Variants in CAMK4 observed in about 807,000 individuals in gnomAD.
CAMK4 encodes the protein calcium/calmodulin-dependent protein kinase type IV.
CAMK4 carries 22 observed loss-of-function variants against 44.9 expected under a neutral mutation model. That is an observed-to-expected ratio of 0.49 (90% CI 0.35 to 0.70). The LOEUF is 0.70. Among genes scored for constraint, CAMK4 ranks in the 30% least tolerant of loss-of-function variants. The pLI, the probability that CAMK4 is intolerant of heterozygous loss-of-function variation, is 0.01. For synonymous variants in CAMK4, 218 were observed against 215.4 expected (o/e 1.01, Z -0.11); for missense variants, 498 against 586.8 (o/e 0.85, Z 1.56).
At chr5:111,282,572 G>GTGTGTTT (rs572041121) in intron 1 of CAMK4, among the ~76,000 whole-genome samples, 61 of 152,184 alleles carry the variant, frequency 4.0e-4, no homozygotes, top group African/African-American at 1.4e-3. Flanking sequence ...AATTAGCTTT[G>GTGTGTTT]TGTGTTTTCT....
rs754203005 is a variant in CAMK4 at position 111,224,662 on chromosome 5, G to T, written c.161+18G>T. On this transcript the variant is annotated intron_variant, in intron 1 of 10. Coordinates refer to ENST00000282356, the MANE Select transcript of CAMK4 (RefSeq NM_001744.6). This position sits in a 1 kb window ranked among gnomAD's most constrained non-coding sequence, Gnocchi z 5.7. ...CTGGGACGGTAAGGCGCGGGCTCCG[G>T]CTGGGGAAGCCCGCGGCGTGCACTG... 1.3e-6 allele frequency: 2 copies of T among 1,594,286 alleles called. No homozygotes were observed. Among genetic ancestry groups the T allele is most frequent in the Non-Finnish European group, 1.7e-6 (2 of 1,171,044 alleles).
chr5:111,296,278 A>G (rs1747482595), intron 1 of CAMK4, among the ~76,000 whole-genome samples: 1 of 152,238 alleles, frequency 6.6e-6, no homozygotes, highest in Non-Finnish European at 1.5e-5. Flanking sequence ...ATATGGAAAT[A>G]TTTAAGCCTA....
At position 111,389,403 on chromosome 5, in the gene CAMK4, T is replaced by C. The variant is rs1751721074; in HGVS notation, c.387-5307T>C. Among the ~76,000 whole-genome samples the C allele has an allele frequency of 2.6e-5, 4 of 152,196 alleles. No individual in the cohort carries two copies. The South Asian group carries it at 8.3e-4, about 32-fold the overall frequency. On this transcript the variant is annotated intron_variant, in intron 4 of 10. Coordinates refer to ENST00000282356, the MANE Select transcript of CAMK4 (RefSeq NM_001744.6). ...ACCCTAACTTAGAGCCAAATGAAAA[T>C]ACAGAAGATATTTAGGCTGAAGCTT...
chr5:111,394,777 G>A lies in CAMK4; in HGVS notation c.454G>A (p.Val152Ile). 6.2e-7 allele frequency: 1 copy of A among 1,604,230 alleles called. No individual in the cohort carries two copies. The change falls in exon 5 of 11, where the codon GTT (valine) becomes ATT (isoleucine). Residue 152 changes from valine to isoleucine, a missense_variant. Around this residue, in one of 3 missense-constraint regions of CAMK4, gnomAD observed 203 missense variants for 298.2 expected, o/e 0.68. Transcript: ENST00000282356. ...TGCCGTTAAACAAATCCTGGAGGCA[G>A]TTGCTGTAAGTATGAAGTAACAGCA... ...ADAVKQILEAVAYLHENGIVH... is the reference protein window; with the variant it reads ...ADAVKQILEAIAYLHENGIVH...
chr5:111,489,526 C>T lies in CAMK4; in HGVS notation c.*5060C>T, dbSNP rs757952894. On this transcript the variant is annotated 3_prime_UTR_variant, in exon 11 of 11. Coordinates refer to ENST00000282356, the MANE Select transcript of CAMK4 (RefSeq NM_001744.6). ...TAAATGCTCTGTGATGTACTCAAGA[C>T]GATTGGGTTGTGTGATACTAACTTC... 6.6e-6 allele frequency: 1 copy of T among 152,122 alleles called. No individual in the cohort carries two copies. The highest frequency in any genetic ancestry group is 6.5e-5 in the Admixed American group (1 of 15,268). The allele number at this position is 152,122 out of a possible 1,614,324, so 9.4% of individuals were successfully genotyped here. A position where few individuals can be genotyped will look rare whatever the true frequency, so the allele number is the denominator to read the frequency against.
At chr5:111,356,819 T>C (rs1475468538) in intron 2 of CAMK4, among the ~76,000 whole-genome samples, 1 of 152,172 alleles carries the variant, frequency 6.6e-6, no homozygotes, top group African/African-American at 2.4e-5. Context: ...GTTGTAGATA[T>C]GCGGCGTTAT....
intron 1 of CAMK4, chr5:111,265,738 C>T (rs1374097328): frequency 6.6e-6 from 1 of 152,058 alleles, no homozygotes; most frequent in African/African-American, 2.4e-5. Context: ...ATAAAAGAGG[C>T]AGAATGAGTA....
chr5:111,478,559 CTAAT>C, intron 9 of CAMK4, 52 bp downstream of exon 9: 1 of 1,012,862 alleles, frequency 9.9e-7, no homozygotes, highest in Non-Finnish European at 1.4e-6. Context: ...TTATTTTTAA[CTAAT>C]TAATGGGAAG....
intron 1 of CAMK4, among the ~76,000 whole-genome samples, chr5:111,256,923 C>T (rs935525448): frequency 2.6e-5 from 4 of 151,910 alleles, no homozygotes; most frequent in African/African-American, 9.7e-5. Flanking sequence ...CAGACAAATC[C>T]GTTAAAAAAA....
At chr5:111,345,812 C>G (rs1324538698) in intron 2 of CAMK4, among the ~76,000 whole-genome samples, 2 of 151,954 alleles carry the variant, frequency 1.3e-5, no homozygotes, top group African/African-American at 4.8e-5. Context: ...AAGTGCCGCT[C>G]TGGTTCGTCC....
chr5:111,422,676 A>T (rs1296568027), intron 5 of CAMK4, among the ~76,000 whole-genome samples: 1 of 152,184 alleles, frequency 6.6e-6, no homozygotes, highest in Non-Finnish European at 1.5e-5. Context: ...TAATGTCTGA[A>T]AGCAGCTATC....
intron 5 of CAMK4, among the ~76,000 whole-genome samples, chr5:111,396,631 C>CTTTTTTTTT (rs540495109): frequency 0.046 from 2,184 of 47,034 alleles, 631 homozygotes; most frequent in Admixed American, 0.057. Context: ...AACTCATATT[C>CTTTTTTTTT]TTTTTTTTTT....
chr5:111,438,336 C>T (rs182444375), intron 5 of CAMK4, among the ~76,000 whole-genome samples: 3 of 152,190 alleles, frequency 2.0e-5, no homozygotes, highest in Admixed American at 6.5e-5. Flanking sequence ...ATTCTCAAAC[C>T]GCTAGCAATG....
At chr5:111,413,982 G>T (rs1469724387) in intron 5 of CAMK4, among the ~76,000 whole-genome samples, 1 of 151,962 alleles carries the variant, frequency 6.6e-6, no homozygotes, top group Admixed American at 6.5e-5. Context: ...TATTATAATG[G>T]TCAACTAAAA....
Position 111,488,848 on chromosome 5 carries a change from T to C in CAMK4, c.*4382T>C, listed in dbSNP as rs1755720265. 1 of 152,252 alleles carries C rather than the reference T, an allele frequency of 6.6e-6. No individual in the cohort carries two copies. Among genetic ancestry groups the C allele is most frequent in the Non-Finnish European group, 1.5e-5 (1 of 68,042 alleles). 9.4% of individuals were successfully genotyped at this position (152,252 alleles called of 1,614,324 possible). ...GAGTCAATTAATCATAGTGCCATTA[T>C]GTCACTTATTTGTCATTGCAAAGTA... is the stretch of plus-strand genomic sequence containing the variant. On this transcript the variant is annotated 3_prime_UTR_variant, in exon 11 of 11. Transcript: ENST00000282356.
chr5:111,444,531 C>T (rs1753960222), intron 5 of CAMK4, among the ~76,000 whole-genome samples: 1 of 152,028 alleles, frequency 6.6e-6, no homozygotes, highest in Non-Finnish European at 1.5e-5. Flanking sequence ...ACACTGGGCC[C>T]ATGAGAAATG....
intron 7 of CAMK4, among the ~76,000 whole-genome samples, chr5:111,462,255 G>T (rs547151806): frequency 6.6e-6 from 1 of 151,962 alleles, no homozygotes; most frequent in Non-Finnish European, 1.5e-5. Context: ...AGTCACATTC[G>T]CTGACCTCTG....
Position 111,396,631 on chromosome 5 carries a change from C to CTTTTTTTTTTTTTTTTTTTTTTTT in CAMK4, c.459+1853_459+1876dup, listed in dbSNP as rs540495109. On this transcript the variant is annotated intron_variant, in intron 5 of 10. Transcript: ENST00000282356. ...ACTTTAATTGCCATTAACTCATATT[C>CTTTTTTTTTTTTTTTTTTTTTTTT]TTTTTTTTTTTTTTTTTTTTTTTTT... Among the ~76,000 whole-genome samples the CTTTTTTTTTTTTTTTTTTTTTTTT allele has an allele frequency of 2.3e-4, 11 of 47,014 alleles. 3 individuals carry two copies. Among genetic ancestry groups the CTTTTTTTTTTTTTTTTTTTTTTTT allele is most frequent in the Non-Finnish European group, 2.5e-4 (7 of 27,862 alleles). The allele number at this position is 47,014 out of a possible 152,430, so 30.8% of individuals were successfully genotyped here. A position where few individuals can be genotyped will look rare whatever the true frequency, so the allele number is the denominator to read the frequency against.
chr5:111,438,415 T>C (rs191861482), intron 5 of CAMK4, among the ~76,000 whole-genome samples: 403 of 152,332 alleles, frequency 2.6e-3, no homozygotes, highest in Non-Finnish European at 4.4e-3. Flanking sequence ...CCTGTATCTG[T>C]CATATTCAAA....
Sources: allele counts gnomAD v4.1 joint callset (sites outside exome capture counted in the v4.1 genomes callset), GRCh38; gene constraint gnomAD v4.1.1; regional missense constraint gnomAD v4.1.1; non-coding constraint Gnocchi (gnomAD v3.1); transcripts MANE v1.5; gene names NCBI Gene and HGNC (gene_info 2026-07-23, HGNC 2026-07-21).